PTPRM: variants seen among roughly 807,000 people sequenced by gnomAD.
PTPRM encodes the protein protein tyrosine phosphatase receptor type M.
In PTPRM, 47 loss-of-function variants were observed where a neutral mutation model predicts 186.7. The observed-to-expected ratio is 0.25, with a 90% CI of 0.20 to 0.32. The LOEUF (loss-of-function observed/expected upper bound fraction) is 0.32. Ranked by LOEUF, PTPRM falls within the 10% of genes least tolerant of loss-of-function variation. The probability of loss-of-function intolerance (pLI) is 1.00; values close to 1 mark genes in which losing one functional copy is unlikely to be tolerated. For missense variants in PTPRM, 1,494 were observed against 1,865.0 expected, an observed-to-expected ratio of 0.80 and a Z score of 3.66; for synonymous variants, 668 against 674.9, an observed-to-expected ratio of 0.99 and a Z score of 0.16.
chr18:7,629,946 T>G (rs542840146), intron 1 of PTPRM, among the ~76,000 whole-genome samples: 2 of 152,204 alleles, frequency 1.3e-5, no homozygotes, highest in East Asian at 3.9e-4. Flanking sequence ...TGAGGAGGTT[T>G]TTTTGGGAGC....
At chr18:8,226,841 G>T (rs1457860225) in intron 14 of PTPRM, among the ~76,000 whole-genome samples, 1 of 152,156 alleles carries the variant, frequency 6.6e-6, no homozygotes, top group African/African-American at 2.4e-5. Context: ...CTCTAAGAGA[G>T]AATTCATTTC....
At chr18:8,076,618 A>G in intron 9 of PTPRM, 54 bp downstream of exon 9, 3 of 913,148 alleles carry the variant, frequency 3.3e-6, no homozygotes. Flanking sequence ...TGATCATGAT[A>G]ATGTAGGCTA....
intron 19 of PTPRM, among the ~76,000 whole-genome samples, chr18:8,272,336 T>C (rs2094783104): frequency 6.6e-6 from 1 of 152,050 alleles, no homozygotes; most frequent in African/African-American, 2.4e-5. Context: ...CCTTCTACTT[T>C]CTTTGAGTTT....
At chr18:8,177,870 C>T (rs751108874) in intron 14 of PTPRM, among the ~76,000 whole-genome samples, 15 of 152,124 alleles carry the variant, frequency 9.9e-5, no homozygotes, top group Non-Finnish European at 2.1e-4. Flanking sequence ...CTGATTCTTC[C>T]CTTGGGATGA....
rs1471896981 is a variant in PTPRM, at chr18:8,160,648, T to TGAAA, written c.2300+16869_2300+16870insGAAA. ...ATCTTAAGTTAAAATATCTAGTTTT[T>TGAAA]CAAGTCTTCTATTCAGTGGTTTTAT... is the stretch of plus-strand genomic sequence containing the variant. On this transcript the variant is annotated intron_variant, in intron 14 of 32. Coordinates refer to ENST00000580170, the MANE Select transcript of PTPRM (RefSeq NM_001105244.2). Among the ~76,000 whole-genome samples the TGAAA allele has an allele frequency of 3.2e-3, 494 of 152,338 alleles. 3 individuals are homozygous for TGAAA. Among genetic ancestry groups the TGAAA allele is most frequent in the African/African-American group, 0.011 (465 of 41,574 alleles).
At chr18:8,333,873 C>T (rs2095424781) in intron 22 of PTPRM, among the ~76,000 whole-genome samples, 1 of 152,228 alleles carries the variant, frequency 6.6e-6, no homozygotes, top group African/African-American at 2.4e-5. Context: ...CACACTCCCT[C>T]CTTCAGGTCC....
intron 14 of PTPRM, among the ~76,000 whole-genome samples, chr18:8,173,541 A>G (rs1241535825): frequency 6.6e-6 from 1 of 152,236 alleles, no homozygotes; most frequent in Non-Finnish European, 1.5e-5. Context: ...CAATTCACTG[A>G]GACTGTGGCA....
intron 7 of PTPRM, among the ~76,000 whole-genome samples, chr18:7,958,103 G>A (rs1178418601): frequency 6.6e-6 from 1 of 150,542 alleles, no homozygotes; most frequent in East Asian, 2.0e-4. Context: ...GCAGCAATAT[G>A]TATGAAGAAG....
chr18:7,632,058 C>T (rs76376801), intron 1 of PTPRM, among the ~76,000 whole-genome samples: 1 of 152,286 alleles, frequency 6.6e-6, no homozygotes, highest in East Asian at 1.9e-4. Flanking sequence ...GCACGTTGTG[C>T]TCAGAACTAA....
chr18:8,165,844 G>A (rs188567390), intron 14 of PTPRM, among the ~76,000 whole-genome samples: 64 of 152,302 alleles, frequency 4.2e-4, no homozygotes, highest in Admixed American at 3.8e-3. Flanking sequence ...GCAGAATTGT[G>A]CAGTTCCCCC....
At chr18:7,775,688 T>C (rs2144993319) in intron 2 of PTPRM, among the ~76,000 whole-genome samples, 1 of 152,316 alleles carries the variant, frequency 6.6e-6, no homozygotes, top group East Asian at 1.9e-4. Context: ...TAACTCCTCA[T>C]TTGATAAAAA....
chr18:8,112,070 G>A (rs1010590377), intron 11 of PTPRM, among the ~76,000 whole-genome samples: 3 of 152,158 alleles, frequency 2.0e-5, no homozygotes, highest in Non-Finnish European at 4.4e-5. Flanking sequence ...CATTTTACGT[G>A]ACTCAATCCG....
chr18:8,226,219 T>C (rs1183620956), intron 14 of PTPRM, among the ~76,000 whole-genome samples: 1 of 152,154 alleles, frequency 6.6e-6, no homozygotes, highest in African/African-American at 2.4e-5. Context: ...ATTTTAATTT[T>C]TGAAAAAGCA....
rs1470682604 is a variant in PTPRM at position 7,968,152 on chromosome 18, C to G, written c.1132+12738C>G. Among the ~76,000 whole-genome samples, 35 of 104,244 alleles carry G rather than the reference C, an allele frequency of 3.4e-4. 2 individuals carry two copies. Among genetic ancestry groups the G allele is most frequent in the Non-Finnish European group, 5.7e-4 (29 of 50,682 alleles). 68.4% of individuals were successfully genotyped at this position (104,244 alleles called of 152,430 possible). On this transcript the variant is annotated intron_variant, in intron 7 of 32. Coordinates refer to ENST00000580170, the MANE Select transcript of PTPRM (RefSeq NM_001105244.2). ...CCAGAAGAGAGTGGGGGCCAATATTCAACATTCTTAAAGAAAAGAATTTTC... is the reference window on the plus strand; with the variant it reads ...CCAGAAGAGAGTGGGGGCCAATATTGAACATTCTTAAAGAAAAGAATTTTC...
At chr18:7,862,614 G>C (rs2047450249) in intron 2 of PTPRM, among the ~76,000 whole-genome samples, 1 of 152,196 alleles carries the variant, frequency 6.6e-6, no homozygotes, top group Admixed American at 6.5e-5. Flanking sequence ...GGTAAGAAAA[G>C]TAAAATGGGA....
chr18:7,937,372 C>A (rs985477533), intron 5 of PTPRM, among the ~76,000 whole-genome samples: 4 of 152,210 alleles, frequency 2.6e-5, no homozygotes, highest in African/African-American at 9.6e-5. Flanking sequence ...GCCTTGGAAG[C>A]TGCTTGCAGG....
rs574122131 is a variant in PTPRM, at chr18:7,745,722, G to A, written c.74-28427G>A. On this transcript the variant is annotated intron_variant, in intron 1 of 32. Transcript: ENST00000580170. Reference sequence around the variant, plus strand: ...TGACCAGAAACCAAGAGAAAATACAGATAATAGAAACAGATATAAGGGCAT... The same window carrying A: ...TGACCAGAAACCAAGAGAAAATACAAATAATAGAAACAGATATAAGGGCAT... 1.2e-4 allele frequency among the ~76,000 whole-genome samples: 18 copies of A among 152,210 alleles called. No homozygotes were observed. In the East Asian group the frequency reaches 1.7e-3, roughly 15 times the overall value.
chr18:7,610,475 A>G (rs1162227298), intron 1 of PTPRM, among the ~76,000 whole-genome samples: 1 of 152,190 alleles, frequency 6.6e-6, no homozygotes, highest in African/African-American at 2.4e-5. Flanking sequence ...TTTCTTCAAA[A>G]ATTTTCTGAA....
chr18:8,106,618 A>G (rs981050301), intron 11 of PTPRM, among the ~76,000 whole-genome samples: 2 of 152,198 alleles, frequency 1.3e-5, no homozygotes, highest in African/African-American at 4.8e-5. Flanking sequence ...GTCTGTGCCT[A>G]ATTCCTCTTT....
Sources: allele counts gnomAD v4.1 joint callset (sites outside exome capture counted in the v4.1 genomes callset), GRCh38; gene constraint gnomAD v4.1.1; transcripts MANE v1.5; gene names NCBI Gene and HGNC (gene_info 2026-07-23, HGNC 2026-07-21).